Variants in ARHGEF4 observed in about 807,000 individuals in gnomAD.
The protein encoded by ARHGEF4 is APC-stimulated guanine nucleotide exchange factor 1.
In ARHGEF4, 119 loss-of-function variants were observed where a neutral mutation model predicts 162.0. That is an observed-to-expected ratio of 0.73 (90% CI 0.63 to 0.86). The LOEUF (loss-of-function observed/expected upper bound fraction) is 0.86, where lower values mean the gene tolerates loss of function less well. ARHGEF4 is among the 40% of genes least tolerant of loss of function. ARHGEF4 has a pLI of 0.00. For synonymous variants in ARHGEF4, 1,014 were observed against 979.9 expected (o/e 1.03, Z -0.65); for missense variants, 2,488 against 2,456.0 (o/e 1.01, Z -0.28).
At chr2:130,885,073 G>C (rs1303594827) in intron 1 of ARHGEF4, among the ~76,000 whole-genome samples, 1 of 152,042 alleles carries the variant, frequency 6.6e-6, no homozygotes, top group African/African-American at 2.4e-5. Flanking sequence ...TTTCTCCCTG[G>C]TATACATCAC....
At position 131,038,836 on chromosome 2, in the gene ARHGEF4, C is replaced by G. The variant is rs191563353; in HGVS notation, c.4126-17C>G. On this transcript the variant is annotated splice_polypyrimidine_tract_variant and intron_variant, in intron 5 of 13. Coordinates refer to ENST00000409359, the MANE Select transcript of ARHGEF4 (RefSeq NM_001367493.1). The stretch of plus-strand genomic sequence containing the variant: ...AGCCTCCCCCACTGACCCGCCTGCC[C>G]GTGGCTCTCTCGGCAGCTCATCAGC... The G allele has an allele frequency of 2.0e-3, 3,156 of 1,591,468 alleles. 88 individuals are homozygous for G. In the Admixed American group the frequency reaches 0.047, roughly 24 times the overall value.
At chr2:130,888,377 A>C (rs1008530590) in intron 1 of ARHGEF4, among the ~76,000 whole-genome samples, 1 of 151,950 alleles carries the variant, frequency 6.6e-6, no homozygotes, top group Non-Finnish European at 1.5e-5. Flanking sequence ...AGTCTGAGGC[A>C]GGAGAATCAC....
At chr2:130,855,803 A>G (rs188304382) in intron 1 of ARHGEF4, among the ~76,000 whole-genome samples, 173 of 152,340 alleles carry the variant, frequency 1.1e-3, no homozygotes, top group African/African-American at 3.9e-3. Context: ...TTACTTCAAG[A>G]AAAAACAAAA....
chr2:130,909,167 G>A (rs1194547138), intron 1 of ARHGEF4, among the ~76,000 whole-genome samples: 1 of 152,142 alleles, frequency 6.6e-6, no homozygotes, highest in Non-Finnish European at 1.5e-5. Flanking sequence ...CCACTCCTCG[G>A]TATTTATCCA....
chr2:131,045,767 CAG>C, intron 13 of ARHGEF4: 6 of 1,428,018 alleles, frequency 4.2e-6, no homozygotes, highest in Non-Finnish European at 5.5e-6. Flanking sequence ...CCCATTTCTA[CAG>C]AGAGCCATGC....
At chr2:131,035,827 T>G in intron 5 of ARHGEF4, 1 of 985,370 alleles carries the variant, frequency 1.0e-6, no homozygotes, top group Non-Finnish European at 1.2e-6. Flanking sequence ...GCCCCCACCC[T>G]GCACGTCTGG....
chr2:131,036,774 G>A (rs1435047257), intron 5 of ARHGEF4, among the ~76,000 whole-genome samples: 4 of 152,146 alleles, frequency 2.6e-5, no homozygotes, highest in African/African-American at 4.8e-5. Flanking sequence ...TGAGTGTGTC[G>A]GGTCACCTCC....
intron 3 of ARHGEF4, among the ~76,000 whole-genome samples, chr2:130,943,410 T>C (rs957086463): frequency 2.0e-5 from 3 of 152,188 alleles, no homozygotes; most frequent in African/African-American, 7.2e-5. Flanking sequence ...TTAATATTTG[T>C]TTTTCTGATT....
chr2:130,848,045 A>T (rs1681121336), intron 1 of ARHGEF4, among the ~76,000 whole-genome samples: 1 of 151,986 alleles, frequency 6.6e-6, no homozygotes, highest in Non-Finnish European at 1.5e-5. Context: ...TCCAGAGGAG[A>T]GGAAGGAAAG....
rs559994783 is a variant in ARHGEF4, at chr2:130,917,029, C to A, written c.3083C>A (p.Pro1028Gln). 2.6e-5 allele frequency: 41 copies of A among 1,550,770 alleles called. No homozygotes were observed. Among genetic ancestry groups the A allele is most frequent in the South Asian group, 1.2e-5 (1 of 84,050 alleles). Residue 1028 changes from proline to glutamine, a missense_variant, in exon 2 of 14, where the codon CCG becomes CAG. Physicochemically the swap from Pro to Gln is moderately conservative, Grantham distance 76. Transcript: ENST00000409359. The stretch of plus-strand genomic sequence containing the variant: ...CCAGAACACAGGAGGAAAAGTGAAC[C>A]GACCATCAAGTGCACAGCCACCCAG... ...VSPEHRRKSE[P>Q]TIKCTATQEG... is the part of the protein sequence containing the mutation.
At chr2:131,012,124 G>A (rs1426135268) in intron 4 of ARHGEF4, among the ~76,000 whole-genome samples, 1 of 152,134 alleles carries the variant, frequency 6.6e-6, no homozygotes, top group Non-Finnish European at 1.5e-5. Flanking sequence ...AGCAGTTTTG[G>A]GTGGGTGGTC....
chr2:130,886,311 A>G (rs1331272309), intron 1 of ARHGEF4, among the ~76,000 whole-genome samples: 1 of 151,518 alleles, frequency 6.6e-6, no homozygotes, highest in African/African-American at 2.4e-5. Flanking sequence ...AGGTTTTAAG[A>G]TCAAGGAGGT....
At chr2:131,009,198 T>C (rs987846244) in intron 4 of ARHGEF4, among the ~76,000 whole-genome samples, 1 of 152,376 alleles carries the variant, frequency 6.6e-6, no homozygotes, top group East Asian at 1.9e-4. Flanking sequence ...TTCATTTTTC[T>C]GAAGATGTAT....
At position 130,917,446 on chromosome 2, in the gene ARHGEF4, G is replaced by T. The variant is rs781780506; in HGVS notation, c.3500G>T (p.Gly1167Val). 6.4e-7 allele frequency: 1 copy of T among 1,550,614 alleles called. No homozygotes were observed. Residue 1167 changes from glycine to valine, a missense_variant, in exon 2 of 14, where the codon GGT becomes GTT. Physicochemically the swap from Gly to Val is moderately radical, Grantham distance 109. Coordinates refer to ENST00000409359, the MANE Select transcript of ARHGEF4 (RefSeq NM_001367493.1). Reference sequence around the variant, plus strand: ...GAAGAGAGCAGGGAAGGAGGCCAGGGTCCGCGCGGCTTGGGCACAGTGCCC... The same window carrying T: ...GAAGAGAGCAGGGAAGGAGGCCAGGTTCCGCGCGGCTTGGGCACAGTGCCC... ...QKEESREGGQGPRGLGTVPWL... is the reference protein window; with the variant it reads ...QKEESREGGQVPRGLGTVPWL...
rs530895742 is a variant in ARHGEF4 at position 130,954,103 on chromosome 2, T to C, written c.3985+7468T>C. On this transcript the variant is annotated intron_variant, in intron 4 of 13. Coordinates refer to ENST00000409359, the MANE Select transcript of ARHGEF4 (RefSeq NM_001367493.1). ...ATGCTGCTATAAAGACACGTGCACA[T>C]GTATGTTTATTGCAGCACTGTTCAC... Among the ~76,000 whole-genome samples, 60 of 152,296 alleles carry C rather than the reference T, an allele frequency of 3.9e-4. No homozygotes were observed. In the Middle Eastern group the frequency reaches 0.01, roughly 26 times the overall value.
At chr2:130,887,178 T>C (rs1679573804) in intron 1 of ARHGEF4, among the ~76,000 whole-genome samples, 1 of 151,976 alleles carries the variant, frequency 6.6e-6, no homozygotes, top group Admixed American at 6.6e-5. Flanking sequence ...ACAAAAAGCC[T>C]GCTGGAGCTG....
At chr2:130,866,231 A>G (rs1367752475) in intron 1 of ARHGEF4, among the ~76,000 whole-genome samples, 3 of 152,072 alleles carry the variant, frequency 2.0e-5, no homozygotes, top group African/African-American at 4.8e-5. Context: ...ATTTGTTTTA[A>G]TAAAATAGCT....
At position 130,916,381 on chromosome 2, in the gene ARHGEF4, G is replaced by C. The variant is rs543678247; in HGVS notation, c.2435G>C (p.Gly812Ala). Residue 812 changes from glycine (G) to alanine (A), a missense_variant, in exon 2 of 14, where the codon GGA becomes GCA. By Grantham distance (60) the Gly-to-Ala change is moderately conservative (BLOSUM62 0). This residue lies in a region of ARHGEF4 where 1,642 missense variants were observed against 1,481.5 expected (regional missense o/e 1.11). Transcript: ENST00000409359. ...AGGCCCTTGGCCACTGAGAGCCCAG[G>C]AGGGGTCCCGGCCCCGACCACCGAG... ...KGRPLATESP[G>A]GVPAPTTEGR... 1 of 1,535,482 alleles carries C rather than the reference G, an allele frequency of 6.5e-7. No individual in the cohort carries two copies. Among genetic ancestry groups the C allele is most frequent in the East Asian group, 2.5e-5 (1 of 40,710 alleles).
Position 130,851,466 on chromosome 2 carries a change from C to G in ARHGEF4, c.39+14474C>G, listed in dbSNP as rs556148247. On this transcript the variant is annotated intron_variant, in intron 1 of 13. Coordinates refer to ENST00000409359, the MANE Select transcript of ARHGEF4 (RefSeq NM_001367493.1). Reference sequence around the variant, plus strand: ...ATGTGCTCTCAGCCAGAACCGGGTGCGGTTCATGCGGGTTGGGGAGTTTGC... The same window carrying G: ...ATGTGCTCTCAGCCAGAACCGGGTGGGGTTCATGCGGGTTGGGGAGTTTGC... Among the ~76,000 whole-genome samples the G allele has an allele frequency of 1.4e-4, 21 of 152,340 alleles. No individual in the cohort carries two copies. In the South Asian group the frequency reaches 3.3e-3, roughly 24 times the overall value.
Sources: gnomAD v4.1 joint callset for allele counts (sites outside exome capture counted in the v4.1 genomes callset) on GRCh38, gnomAD v4.1.1 for gene constraint, gnomAD v4.1.1 regional missense constraint, MANE v1.5 for transcripts, NCBI Gene and HGNC (gene_info 2026-07-23, HGNC 2026-07-21) for gene names.